Variants in GRID2 observed in about 807,000 individuals in gnomAD.
GRID2 encodes the protein glutamate receptor ionotropic, delta-2.
A neutral mutation model predicts 114.8 loss-of-function variants in GRID2; 33 were observed. The ratio of observed to expected loss-of-function variants is 0.29; its 90% CI spans 0.22 to 0.38. The LOEUF (loss-of-function observed/expected upper bound fraction) is 0.38. Among genes scored for constraint, GRID2 ranks in the 10% least tolerant of loss-of-function variants. GRID2 has a pLI of 1.00. For synonymous variants in GRID2, 505 were observed against 449.9 expected, an observed-to-expected ratio of 1.12 and a Z score of -1.55; for missense variants, 1,184 against 1,257.7, an observed-to-expected ratio of 0.94 and a Z score of 0.89.
intron 1 of GRID2, among the ~76,000 whole-genome samples, chr4:92,419,494 T>C (rs2085263986): frequency 6.6e-6 from 1 of 152,142 alleles, no homozygotes; most frequent in African/African-American, 2.4e-5. Context: ...TTAAACAACA[T>C]GAACATTATA....
chr4:93,365,282 T>A (rs935276046), intron 8 of GRID2, among the ~76,000 whole-genome samples: 2 of 152,200 alleles, frequency 1.3e-5, no homozygotes, highest in Non-Finnish European at 2.9e-5. Context: ...TTGTCAATAG[T>A]TAAAGAAAGT....
chr4:92,558,768 C>G (rs78713453), intron 1 of GRID2, among the ~76,000 whole-genome samples: 2,163 of 152,292 alleles, frequency 0.014, 48 homozygotes, highest in African/African-American at 0.049. Context: ...GTGTCCAGCA[C>G]TGAGCTTTGC....
At chr4:93,676,494 G>T (rs570553218) in intron 14 of GRID2, among the ~76,000 whole-genome samples, 1 of 152,194 alleles carries the variant, frequency 6.6e-6, no homozygotes, top group African/African-American at 2.4e-5. Flanking sequence ...ATGGCAATCT[G>T]GCTTTACCCA....
At position 93,126,584 on chromosome 4, in the gene GRID2, C is replaced by CTTTTTTTTTTTT. The variant is rs60017147; in HGVS notation, c.735+15651_735+15662dup. Among the ~76,000 whole-genome samples the CTTTTTTTTTTTT allele has an allele frequency of 1.9e-4, 10 of 52,752 alleles. 1 individual carries two copies. Among genetic ancestry groups the CTTTTTTTTTTTT allele is most frequent in the Non-Finnish European group, 2.7e-4 (8 of 30,140 alleles). 34.6% of individuals were successfully genotyped at this position (52,752 alleles called of 152,430 possible). Reference sequence around the variant, plus strand: ...GACAGTCATTGATAACTATTTAATTCTTTTTTTTTTTTTTTTTTTTTTTTT... The same window carrying CTTTTTTTTTTTT: ...GACAGTCATTGATAACTATTTAATTCTTTTTTTTTTTTTTTTTTTTTTTTTTTTTTTTTTTTT... On this transcript the variant is annotated intron_variant, in intron 4 of 15. Coordinates refer to ENST00000282020, the MANE Select transcript of GRID2 (RefSeq NM_001510.4).
rs73837317 is a variant in GRID2, at chr4:92,521,706, G to C, written c.89-68425G>C. ...ATGATAAGAGTGACGAATCATGTTG[G>C]TTAATAAAATTTCTTGCAGAGGGGG... On this transcript the variant is annotated intron_variant, in intron 1 of 15. Coordinates refer to ENST00000282020, the MANE Select transcript of GRID2 (RefSeq NM_001510.4). Among the ~76,000 whole-genome samples, 816 of 151,974 alleles carry C rather than the reference G, an allele frequency of 5.4e-3. 5 individuals are homozygous for C. The highest frequency in any genetic ancestry group is 0.019 in the African/African-American group (786 of 41,492).
intron 2 of GRID2, among the ~76,000 whole-genome samples, chr4:92,949,107 C>G (rs1751848788): frequency 6.6e-6 from 1 of 150,448 alleles, no homozygotes; most frequent in Non-Finnish European, 1.5e-5. Context: ...TGGAGGCATC[C>G]TTGTTATACA....
intron 4 of GRID2, among the ~76,000 whole-genome samples, chr4:93,198,768 A>G (rs1421108596): frequency 6.6e-6 from 1 of 152,170 alleles, no homozygotes; most frequent in East Asian, 1.9e-4. Flanking sequence ...GCAAAGCATG[A>G]AAGTCCACAG....
At chr4:93,276,506 C>A (rs1023681770) in intron 8 of GRID2, among the ~76,000 whole-genome samples, 2 of 151,970 alleles carry the variant, frequency 1.3e-5, no homozygotes, top group African/African-American at 4.8e-5. Context: ...TGTGTTGAAT[C>A]TGTAGATCAA....
intron 2 of GRID2, among the ~76,000 whole-genome samples, chr4:92,997,272 C>A (rs779260544): frequency 5.3e-5 from 8 of 152,046 alleles, no homozygotes; most frequent in Non-Finnish European, 1.2e-4. Flanking sequence ...TTCATGTCTA[C>A]TCATAATGTG....
At chr4:93,325,257 G>C (rs912344362) in intron 8 of GRID2, among the ~76,000 whole-genome samples, 1 of 151,504 alleles carries the variant, frequency 6.6e-6, no homozygotes, top group Non-Finnish European at 1.5e-5. Context: ...TATTGGTTTC[G>C]ACCATAATAT....
intron 12 of GRID2, among the ~76,000 whole-genome samples, chr4:93,502,654 T>C (rs1431647189): frequency 6.6e-6 from 1 of 151,580 alleles, no homozygotes; most frequent in African/African-American, 2.4e-5. Context: ...AGTTCCTCCA[T>C]AGTTCCTGTC....
intron 7 of GRID2, among the ~76,000 whole-genome samples, chr4:93,229,368 G>A (rs1193230270): frequency 1.3e-5 from 2 of 152,120 alleles, no homozygotes; most frequent in Non-Finnish European, 2.9e-5. Flanking sequence ...TGTTGACTAG[G>A]GGTTAGGGCT....
At chr4:93,025,338 G>C (rs893411189) in intron 2 of GRID2, among the ~76,000 whole-genome samples, 3 of 151,776 alleles carry the variant, frequency 2.0e-5, no homozygotes, top group African/African-American at 7.2e-5. Flanking sequence ...TGGCTAAACA[G>C]ATATTTATTA....
At position 92,312,270 on chromosome 4, in the gene GRID2, C is replaced by T. The variant is rs138819889; in HGVS notation, c.88+7526C>T. On this transcript the variant is annotated intron_variant, in intron 1 of 15. Coordinates refer to ENST00000282020, the MANE Select transcript of GRID2 (RefSeq NM_001510.4). Reference sequence around the variant, plus strand: ...GGCCATGGTAAGGTATTTAAATCTTCTAGGTATATTTGGGTTAAGATAAAA... The same window carrying T: ...GGCCATGGTAAGGTATTTAAATCTTTTAGGTATATTTGGGTTAAGATAAAA... Among the ~76,000 whole-genome samples, 183 of 152,094 alleles carry T rather than the reference C, an allele frequency of 1.2e-3. 2 individuals carry two copies. Among genetic ancestry groups the T allele is most frequent in the African/African-American group, 4.2e-3 (174 of 41,494 alleles).
intron 2 of GRID2, among the ~76,000 whole-genome samples, chr4:92,844,882 T>C (rs894547766): frequency 6.6e-6 from 1 of 152,074 alleles, no homozygotes; most frequent in African/African-American, 2.4e-5. Context: ...AAAGTATCTT[T>C]TTTACTGCTT....
chr4:93,742,556 T>G (rs1300709087), intron 14 of GRID2, among the ~76,000 whole-genome samples: 1 of 152,254 alleles, frequency 6.6e-6, no homozygotes, highest in Non-Finnish European at 1.5e-5. Flanking sequence ...CAAAAGCATG[T>G]GCTCACTGTG....
At chr4:93,696,907 A>G (rs1469196612) in intron 14 of GRID2, among the ~76,000 whole-genome samples, 2 of 152,218 alleles carry the variant, frequency 1.3e-5, no homozygotes, top group African/African-American at 4.8e-5. Flanking sequence ...TACAGAGTCC[A>G]TGCAAACATG....
intron 1 of GRID2, among the ~76,000 whole-genome samples, chr4:92,511,110 C>T (rs192923554): frequency 1.3e-5 from 2 of 151,872 alleles, no homozygotes; most frequent in Admixed American, 6.6e-5. Flanking sequence ...TAATTTGGCT[C>T]ATTGTTCTGT....
chr4:92,580,890 GTT>G (rs1553903037), intron 1 of GRID2, among the ~76,000 whole-genome samples: 9 of 113,178 alleles, frequency 8.0e-5, no homozygotes, highest in Admixed American at 9.2e-5. Context: ...TTGCCTATTT[GTT>G]TTTTTTTTTT....
Sources: gnomAD v4.1 joint callset for allele counts (sites outside exome capture counted in the v4.1 genomes callset) on GRCh38, gnomAD v4.1.1 for gene constraint, MANE v1.5 for transcripts, NCBI Gene and HGNC (gene_info 2026-07-23, HGNC 2026-07-21) for gene names.